MAN1C1: variants seen among roughly 807,000 people sequenced by gnomAD.
MAN1C1 encodes mannosidase alpha class 1C member 1.
Under a neutral mutation model 71.5 loss-of-function variants are expected in MAN1C1, and 49 were observed. That is an observed-to-expected ratio of 0.69 (90% confidence interval 0.54 to 0.87). The LOEUF is 0.87. Among genes scored for constraint, MAN1C1 ranks in the 40% least tolerant of loss-of-function variants. The probability of loss-of-function intolerance (pLI) is 0.00; values close to 1 mark genes in which losing one functional copy is unlikely to be tolerated. For missense variants in MAN1C1, 743 were observed against 835.0 expected, an observed-to-expected ratio of 0.89 and a Z score of 1.36; for synonymous variants, 352 against 343.7, an observed-to-expected ratio of 1.02 and a Z score of -0.27.
chr1:25,751,574 A>G (rs2047216885), intron 4 of MAN1C1, among the ~76,000 whole-genome samples: 1 of 152,234 alleles, frequency 6.6e-6, no homozygotes. Context: ...ACCCCTGGGC[A>G]GGCAGGCAGG....
intron 1 of MAN1C1, among the ~76,000 whole-genome samples, chr1:25,637,592 CTA>C (rs1553181838): frequency 6.6e-6 from 1 of 151,182 alleles, no homozygotes; most frequent in Non-Finnish European, 1.5e-5. Context: ...GTGTTCAAAA[CTA>C]TGTATTTTTT....
intron 1 of MAN1C1, among the ~76,000 whole-genome samples, chr1:25,626,109 G>T (rs1157268799): frequency 6.6e-6 from 1 of 152,108 alleles, no homozygotes; most frequent in East Asian, 1.9e-4. Context: ...TATAACTAGG[G>T]GTGGAATTAC....
chr1:25,699,105 G>A (rs866610927), intron 2 of MAN1C1, among the ~76,000 whole-genome samples: 7 of 152,028 alleles, frequency 4.6e-5, no homozygotes, highest in African/African-American at 1.7e-4. Context: ...TTAGGAGTTC[G>A]AGACCAGCCT....
chr1:25,683,770 T>C (rs2046189103), intron 1 of MAN1C1, among the ~76,000 whole-genome samples: 1 of 152,120 alleles, frequency 6.6e-6, no homozygotes, highest in East Asian at 1.9e-4. Context: ...AAGGACCACC[T>C]GGATAGGAGG....
At chr1:25,722,699 T>A (rs1428150784) in intron 2 of MAN1C1, among the ~76,000 whole-genome samples, 1 of 152,234 alleles carries the variant, frequency 6.6e-6, no homozygotes, top group Non-Finnish European at 1.5e-5. Context: ...CCAGTTACCT[T>A]TCCTGTTTGT....
chr1:25,725,457 G>T lies in MAN1C1; in HGVS notation c.638-21211G>T, dbSNP rs945375770. On this transcript the variant is annotated intron_variant, in intron 2 of 11. Transcript: ENST00000374332. The surrounding 1 kb of genome is among the most constrained non-coding windows in gnomAD (Gnocchi z 4.8). ...TGCCTCTGGGAACTTCACAGAGCAG[G>T]TTACGTTGAGCTGGGCTTTGAAGAA... Among the ~76,000 whole-genome samples, 2 of 152,216 alleles carry T rather than the reference G, an allele frequency of 1.3e-5. No homozygotes were observed. Among genetic ancestry groups the T allele is most frequent in the Non-Finnish European group, 2.9e-5 (2 of 68,032 alleles).
chr1:25,757,910 C>T (rs568258683), intron 5 of MAN1C1, among the ~76,000 whole-genome samples: 43 of 152,320 alleles, frequency 2.8e-4, no homozygotes, highest in African/African-American at 9.6e-4. Context: ...CCTTGTTTAC[C>T]GCGTTTGCAA....
At chr1:25,759,043 A>G (rs2047327119) in intron 6 of MAN1C1, 1 of 261,580 alleles carries the variant, frequency 3.8e-6, no homozygotes, top group African/African-American at 2.2e-5. Context: ...AAATCTAGGC[A>G]CCACCTTGCA....
intron 5 of MAN1C1, among the ~76,000 whole-genome samples, chr1:25,754,718 G>C (rs563345572): frequency 6.6e-6 from 1 of 152,236 alleles, no homozygotes; most frequent in East Asian, 1.9e-4. Flanking sequence ...CCCTCCCCGG[G>C]TCTGGGGTAG....
chr1:25,778,158 C>CGAGTG lies in MAN1C1; in HGVS notation c.1313_1317dup (p.Arg440SerfsTer21). 6.2e-7 allele frequency: 1 copy of CGAGTG among 1,605,376 alleles called. No homozygotes were observed. Among genetic ancestry groups the CGAGTG allele is most frequent in the Non-Finnish European group, 8.5e-7 (1 of 1,174,888 alleles). On this transcript the variant is annotated frameshift_variant, in exon 9 of 12. Coordinates refer to ENST00000374332, the MANE Select transcript of MAN1C1 (RefSeq NM_020379.4). LOFTEE classifies it high-confidence loss of function. The surrounding 1 kb of genome is among the most constrained non-coding windows in gnomAD (Gnocchi z 5.5). The stretch of plus-strand genomic sequence containing the variant: ...CTCCCGGGGGGCTGACCTACATTGC[C>CGAGTG]GAGTGGCGAGGGGGGATTCTGGACC...
At chr1:25,758,186 C>T (rs750915216) in intron 5 of MAN1C1, among the ~76,000 whole-genome samples, 1 of 152,198 alleles carries the variant, frequency 6.6e-6, no homozygotes, top group Non-Finnish European at 1.5e-5. Context: ...GCAGAACCAC[C>T]AATGGTTGTG....
intron 4 of MAN1C1, among the ~76,000 whole-genome samples, chr1:25,751,038 T>C (rs1366828435): frequency 6.8e-6 from 1 of 146,548 alleles, no homozygotes; most frequent in African/African-American, 2.5e-5. Context: ...TTCCTTCCGT[T>C]CTTCCTTCCT....
At chr1:25,729,221 A>G (rs2046875403) in intron 2 of MAN1C1, among the ~76,000 whole-genome samples, 1 of 152,002 alleles carries the variant, frequency 6.6e-6, no homozygotes, top group Non-Finnish European at 1.5e-5. Flanking sequence ...CTCCCTGACC[A>G]GCTTCCTACC....
chr1:25,780,782 T>C, intron 9 of MAN1C1, 158 bp from the exon 10 acceptor site: 1 of 690,286 alleles, frequency 1.4e-6, no homozygotes. Context: ...ATCTGCCCGG[T>C]GCAGCCTTAC....
At chr1:25,755,177 G>A (rs1014452892) in intron 5 of MAN1C1, among the ~76,000 whole-genome samples, 4 of 152,156 alleles carry the variant, frequency 2.6e-5, no homozygotes, top group South Asian at 4.1e-4. Context: ...AGGAGAGGCC[G>A]TTCCCTGGCA....
At chr1:25,761,860 T>A (rs1218150655) in intron 6 of MAN1C1, among the ~76,000 whole-genome samples, 1 of 151,726 alleles carries the variant, frequency 6.6e-6, no homozygotes, top group African/African-American at 2.4e-5. Flanking sequence ...TGACCTCAGG[T>A]GATCTGCCCG....
At chr1:25,695,560 C>T (rs955485346) in intron 2 of MAN1C1, among the ~76,000 whole-genome samples, 2 of 152,128 alleles carry the variant, frequency 1.3e-5, no homozygotes, top group East Asian at 1.9e-4. Flanking sequence ...AAGCACGCCT[C>T]GAAATTAGCT....
intron 1 of MAN1C1, among the ~76,000 whole-genome samples, chr1:25,655,797 T>C (rs902964327): frequency 6.6e-6 from 1 of 152,188 alleles, no homozygotes; most frequent in Non-Finnish European, 1.5e-5. Context: ...GGAGAGTTAA[T>C]AGGAGAGTGA....
intron 7 of MAN1C1, among the ~76,000 whole-genome samples, chr1:25,767,775 T>C (rs2047461975): frequency 9.4e-5 from 6 of 63,756 alleles, no homozygotes; most frequent in Admixed American, 1.9e-4. Flanking sequence ...TAATCCACAC[T>C]CCCCTAACAC....
Sources: gnomAD v4.1 joint callset for allele counts (sites outside exome capture counted in the v4.1 genomes callset) on GRCh38, gnomAD v4.1.1 for gene constraint, Gnocchi (gnomAD v3.1) non-coding constraint, MANE v1.5 for transcripts, NCBI Gene and HGNC (gene_info 2026-07-23, HGNC 2026-07-21) for gene names.